KCNG3: variants seen among roughly 807,000 people sequenced by gnomAD.
KCNG3 encodes potassium voltage-gated channel modifier subfamily G member 3.
Under a neutral mutation model 29.0 loss-of-function variants are expected in KCNG3, and 15 were observed. The ratio of observed to expected loss-of-function variants is 0.52; its 90% CI spans 0.35 to 0.80. The LOEUF (loss-of-function observed/expected upper bound fraction) is 0.80, where lower values mean the gene tolerates loss of function less well. Ranked by LOEUF, KCNG3 falls within the 30% of genes least tolerant of loss-of-function variation. The probability of loss-of-function intolerance (pLI) is 0.01; values close to 1 mark genes in which losing one functional copy is unlikely to be tolerated. For missense variants in KCNG3, 512 were observed against 605.7 expected (o/e 0.85, Z 1.62); for synonymous variants, 322 against 248.9 (o/e 1.29, Z -2.76).
the KCNG3 span, among the ~76,000 whole-genome samples, chr2:42,431,706 A>C: frequency 7.2e-5 from 11 of 152,214 alleles, no homozygotes; most frequent in East Asian, 1.9e-3. Flanking sequence ...AAGGAATTTC[A>C]CAATGATTAC....
chr2:42,450,016 C>T (rs908907117), intron 1 of KCNG3, among the ~76,000 whole-genome samples: 1 of 152,138 alleles, frequency 6.6e-6, no homozygotes, highest in African/African-American at 2.4e-5. Context: ...CATCAAGTGG[C>T]AGATTTACAT....
the KCNG3 span, among the ~76,000 whole-genome samples, chr2:42,390,956 AG>A: frequency 2.0e-5 from 3 of 152,148 alleles, no homozygotes; most frequent in East Asian, 5.8e-4. Flanking sequence ...GTTTTGCCTT[AG>A]GATTTCCCCC....
the KCNG3 span, among the ~76,000 whole-genome samples, chr2:42,390,080 A>T: frequency 1.6e-4 from 24 of 152,338 alleles, no homozygotes; most frequent in Admixed American, 1.5e-3. Context: ...GGGAAAGGAC[A>T]TATGTGTGTT....
chr2:42,391,904 A>C, the KCNG3 span, among the ~76,000 whole-genome samples: 1 of 152,102 alleles, frequency 6.6e-6, no homozygotes, highest in South Asian at 2.1e-4. Context: ...GCCCGGCCTA[A>C]ACATTTTATA....
At chr2:42,438,871 T>TTTTTTTTTTTTTTTTGGAGAC (rs1672420996), downstream of KCNG3, among the ~76,000 whole-genome samples, 1 of 152,142 alleles carries the variant, frequency 6.6e-6, no homozygotes, top group African/African-American at 2.4e-5. Flanking sequence ...CCCAGGTTTC[T>TTTTTTTTTTTTTTTTGGAGAC]GAGTGCAGAT....
intron 1 of KCNG3, among the ~76,000 whole-genome samples, chr2:42,481,073 G>A (rs1039836589): frequency 1.4e-4 from 22 of 152,156 alleles, no homozygotes; most frequent in African/African-American, 5.1e-4. Context: ...GAGCCACTGC[G>A]CCTGGCCAAA....
rs896859604 is a variant in KCNG3, at chr2:42,486,882, G to C, written c.665+5955C>G. ...GGTTAGAATTCACAATTATTGGTCTGGCACGGTGGCTCACTCCCGTAATCC... is the reference window on the plus strand; with the variant it reads ...GGTTAGAATTCACAATTATTGGTCTCGCACGGTGGCTCACTCCCGTAATCC... On this transcript the variant is annotated intron_variant, in intron 1 of 1. Coordinates refer to ENST00000306078, the MANE Select transcript of KCNG3 (RefSeq NM_133329.6). 2.0e-5 allele frequency among the ~76,000 whole-genome samples: 3 copies of C among 152,252 alleles called. No homozygotes were observed. The Middle Eastern group carries it at 0.01, about 518-fold the overall frequency.
chr2:42,458,492 G>A (rs1351679040), intron 1 of KCNG3, among the ~76,000 whole-genome samples: 1 of 151,742 alleles, frequency 6.6e-6, no homozygotes, highest in Non-Finnish European at 1.5e-5. Context: ...CCAAGTTCCT[G>A]ACTGCAAATG....
chr2:42,435,946 TAGC>T, the KCNG3 span, among the ~76,000 whole-genome samples: 2 of 152,230 alleles, frequency 1.3e-5, no homozygotes, highest in East Asian at 1.9e-4. Context: ...ATGAATGTCA[TAGC>T]AGCATTATAC....
chr2:42,399,316 C>G, the KCNG3 span, among the ~76,000 whole-genome samples: 1 of 152,148 alleles, frequency 6.6e-6, no homozygotes, highest in African/African-American at 2.4e-5. Flanking sequence ...GCCTCAGCCT[C>G]TCGAAGTGCT....
chr2:42,491,942 T>C (rs1413505234), intron 1 of KCNG3, among the ~76,000 whole-genome samples: 3 of 152,192 alleles, frequency 2.0e-5, no homozygotes, highest in Non-Finnish European at 1.5e-5. Context: ...CAAAAGGCTG[T>C]CTTCTTTGAA....
the KCNG3 span, among the ~76,000 whole-genome samples, chr2:42,409,941 G>A: frequency 2.6e-5 from 4 of 151,926 alleles, no homozygotes; most frequent in East Asian, 3.8e-4. Context: ...TTACAGTAAT[G>A]TGATCACATA....
At chr2:42,396,162 T>A in the KCNG3 span, among the ~76,000 whole-genome samples, 1 of 152,200 alleles carries the variant, frequency 6.6e-6, no homozygotes, top group African/African-American at 2.4e-5. Context: ...GTGACATGGG[T>A]ACTCCAAGTA....
chr2:42,403,452 T>C, the KCNG3 span, among the ~76,000 whole-genome samples: 3 of 149,546 alleles, frequency 2.0e-5, no homozygotes, highest in African/African-American at 7.4e-5. Flanking sequence ...TTATTGTTTC[T>C]GTTCTAATTG....
the KCNG3 span, among the ~76,000 whole-genome samples, chr2:42,431,235 C>T: frequency 6.6e-6 from 1 of 152,048 alleles, no homozygotes; most frequent in East Asian, 1.9e-4. Context: ...CCTGCTATTC[C>T]TAAGAATAGC....
At chr2:42,395,217 T>G in the KCNG3 span, among the ~76,000 whole-genome samples, 3 of 152,178 alleles carry the variant, frequency 2.0e-5, no homozygotes, top group African/African-American at 7.2e-5. Flanking sequence ...AACAGCAATG[T>G]TCTGGAAACT....
At chr2:42,471,829 A>G (rs1267002018) in intron 1 of KCNG3, among the ~76,000 whole-genome samples, 1 of 150,226 alleles carries the variant, frequency 6.7e-6, no homozygotes, top group African/African-American at 2.5e-5. Flanking sequence ...GGCTGTAGTG[A>G]GCCATGACTG....
the KCNG3 span, among the ~76,000 whole-genome samples, chr2:42,436,022 C>G: frequency 1.3e-5 from 2 of 152,286 alleles, no homozygotes; most frequent in South Asian, 4.1e-4. Flanking sequence ...AAAATGCAAT[C>G]TACCCATACA....
intron 1 of KCNG3, among the ~76,000 whole-genome samples, chr2:42,480,516 T>G (rs1673554924): frequency 6.6e-6 from 1 of 152,134 alleles, no homozygotes; most frequent in South Asian, 2.1e-4. Flanking sequence ...GCCAAAGTAG[T>G]AGGAAAGCTG....
Sources: allele counts gnomAD v4.1 joint callset (sites outside exome capture counted in the v4.1 genomes callset), GRCh38; gene constraint gnomAD v4.1.1; transcripts MANE v1.5; gene names NCBI Gene and HGNC (gene_info 2026-07-23, HGNC 2026-07-21).